The following TMEM212 variants were observed in gnomAD, a reference collection of about 807,000 sequenced individuals.
TMEM212 encodes the protein transmembrane protein 212.
A neutral mutation model predicts 20.5 loss-of-function variants in TMEM212; 23 were observed. That is an observed-to-expected ratio of 1.12 (90% CI 0.81 to 1.59). The LOEUF (loss-of-function observed/expected upper bound fraction) is 1.59, where lower values mean the gene tolerates loss of function less well. TMEM212 is among the 40% of genes most tolerant of loss of function. TMEM212 has a pLI of 0.00. For missense variants in TMEM212, 211 were observed against 215.0 expected (o/e 0.98, Z 0.12); for synonymous variants, 76 against 81.6 (o/e 0.93, Z 0.37).
At chr3:171,848,560 CATAGAATAGA>C (rs1288301924) in intron 1 of TMEM212, among the ~76,000 whole-genome samples, 3 of 44,344 alleles carry the variant, frequency 6.8e-5, no homozygotes, top group East Asian at 1.0e-3. Flanking sequence ...ACAATAAATG[CATAGAATAGA>C]ATAGAATAGG....
chr3:171,844,298 A>G (rs953206990), intron 1 of TMEM212, among the ~76,000 whole-genome samples: 5 of 152,226 alleles, frequency 3.3e-5, no homozygotes, highest in Non-Finnish European at 1.5e-5. Context: ...GAGAAGTTAC[A>G]GAGACCCACC....
rs1725159531 is a variant in TMEM212, at chr3:171,858,142, G to A, written c.*85G>A. 1 of 152,082 alleles carries A rather than the reference G, an allele frequency of 6.6e-6. No individual in the cohort carries two copies. The highest frequency in any genetic ancestry group is 1.5e-5 in the Non-Finnish European group (1 of 68,050). The allele number at this position is 152,082 out of a possible 1,614,324, so 9.4% of individuals were successfully genotyped here. On this transcript the variant is annotated 3_prime_UTR_variant, in exon 5 of 5. Coordinates refer to ENST00000334567, the MANE Select transcript of TMEM212 (RefSeq NM_001164436.2). ...AATCCTAAGCAAAAAGAACAAAGCT[G>A]GAGGCATCACACTACCTGACTTCAA...
chr3:171,853,869 G>A lies in TMEM212; in HGVS notation c.543+19G>A, dbSNP rs1478283492. 1.3e-6 allele frequency: 2 copies of A among 1,522,470 alleles called. No homozygotes were observed. The highest frequency in any genetic ancestry group is 8.8e-7 in the Non-Finnish European group (1 of 1,136,358). The allele number at this position is 1,522,470 out of a possible 1,614,324, so 94.3% of individuals were successfully genotyped here. ...CATAAACGTAAGTTTCAACAAAGGG[G>A]AGGCAGGTTCTTGTTCCATCTTGTA... is the stretch of plus-strand genomic sequence containing the variant. On this transcript the variant is annotated intron_variant, in intron 3 of 4. Coordinates refer to ENST00000334567, the MANE Select transcript of TMEM212 (RefSeq NM_001164436.2).
chr3:171,853,334 AAAG>A (rs1364927452), intron 2 of TMEM212, among the ~76,000 whole-genome samples, 190 bp from the exon 3 acceptor site: 63 of 152,268 alleles, frequency 4.1e-4, no homozygotes, highest in African/African-American at 1.3e-3. Context: ...AAAAAAAAAA[AAAG>A]AAAATGAATA....
At position 171,849,844 on chromosome 3, in the gene TMEM212, A is replaced by G. The variant is rs150439669; in HGVS notation, c.160-2138A>G. Among the ~76,000 whole-genome samples the G allele has an allele frequency of 2.7e-3, 410 of 152,264 alleles. 2 individuals are homozygous for G. Among genetic ancestry groups the G allele is most frequent in the African/African-American group, 9.5e-3 (396 of 41,564 alleles). On this transcript the variant is annotated intron_variant, in intron 1 of 4. Coordinates refer to ENST00000334567, the MANE Select transcript of TMEM212 (RefSeq NM_001164436.2). ...GTAATTGTTGCAAAACCCAGCTGAT[A>G]TCCCTGGAAGCGCCCAGAAAGCAAG...
At chr3:171,847,773 A>G (rs1022576488) in intron 1 of TMEM212, among the ~76,000 whole-genome samples, 3 of 152,028 alleles carry the variant, frequency 2.0e-5, no homozygotes, top group Admixed American at 1.3e-4. Flanking sequence ...GGGTGATCAG[A>G]CATCACGGTG....
chr3:171,858,346 T>C lies in TMEM212; in HGVS notation c.*289T>C, dbSNP rs1403326908. 1 of 152,138 alleles carries C rather than the reference T, an allele frequency of 6.6e-6. No homozygotes were observed. Among genetic ancestry groups the C allele is most frequent in the Non-Finnish European group, 1.5e-5 (1 of 68,050 alleles). 9.4% of individuals were successfully genotyped at this position (152,138 alleles called of 1,614,324 possible). ...AAAGGATTCCCTTTTTAATAAATGG[T>C]GCTGGGAAAACTGGTTAGCCATATG... On this transcript the variant is annotated 3_prime_UTR_variant, in exon 5 of 5. Coordinates refer to ENST00000334567, the MANE Select transcript of TMEM212 (RefSeq NM_001164436.2).
At chr3:171,846,155 G>A (rs747745728) in intron 1 of TMEM212, among the ~76,000 whole-genome samples, 1 of 152,166 alleles carries the variant, frequency 6.6e-6, no homozygotes, top group Non-Finnish European at 1.5e-5. Flanking sequence ...ATGCCATGAT[G>A]TGTTTCTGCC....
intron 3 of TMEM212, among the ~76,000 whole-genome samples, chr3:171,855,053 T>C (rs1484519025): frequency 6.7e-6 from 1 of 149,966 alleles, no homozygotes; most frequent in African/African-American, 2.5e-5. Flanking sequence ...GTCTTTAATA[T>C]TAAAAAATAC....
chr3:171,851,851 G>C, intron 1 of TMEM212, 131 bp from the exon 2 acceptor site: 1 of 785,444 alleles, frequency 1.3e-6, no homozygotes, highest in Non-Finnish European at 2.1e-6. Flanking sequence ...GGAAATCAGA[G>C]CCATAAATCC....
At chr3:171,846,549 G>A (rs1724837327) in intron 1 of TMEM212, among the ~76,000 whole-genome samples, 1 of 152,112 alleles carries the variant, frequency 6.6e-6, no homozygotes, top group African/African-American at 2.4e-5. Flanking sequence ...AATAAATATT[G>A]TTCAATAAGT....
chr3:171,843,587 T>A, intron 1 of TMEM212, 45 bp downstream of exon 1: 3 of 1,456,540 alleles, frequency 2.1e-6, no homozygotes, highest in Non-Finnish European at 1.8e-6. Flanking sequence ...TAAAAGAAGG[T>A]GGGAGGGAAA....
intron 1 of TMEM212, among the ~76,000 whole-genome samples, chr3:171,845,224 G>A (rs1724804944): frequency 6.6e-6 from 1 of 152,020 alleles, no homozygotes; most frequent in Non-Finnish European, 1.5e-5. Context: ...AAATATTTTA[G>A]GTGAGGACCC....
At chr3:171,848,560 C>CATAGAATAGAATAGG (rs1553852833) in intron 1 of TMEM212, among the ~76,000 whole-genome samples, 1,160 of 44,310 alleles carry the variant, frequency 0.026, 18 homozygotes, top group African/African-American at 0.12. Flanking sequence ...ACAATAAATG[C>CATAGAATAGAATAGG]ATAGAATAGA....
chr3:171,856,912 G>T (rs889471783), intron 4 of TMEM212: 3 of 385,490 alleles, frequency 7.8e-6, no homozygotes. Flanking sequence ...ATGTAAATCT[G>T]CTCTTTTAGG....
Position 171,859,237 on chromosome 3 carries a change from C to G in TMEM212, c.*1180C>G, listed in dbSNP as rs770426543. ...ATGGGTGTGGCAAACCAACATGGCA[C>G]ATATATACCTATGCAACAAACCTGC... On this transcript the variant is annotated 3_prime_UTR_variant, in exon 5 of 5. Coordinates refer to ENST00000334567, the MANE Select transcript of TMEM212 (RefSeq NM_001164436.2). The G allele has an allele frequency of 6.6e-6, 1 of 151,918 alleles. No homozygotes were observed. Among genetic ancestry groups the G allele is most frequent in the African/African-American group, 2.4e-5 (1 of 41,332 alleles). The allele number at this position is 151,918 out of a possible 1,614,324, so 9.4% of individuals were successfully genotyped here.
chr3:171,849,807 A>AAAGTG (rs1724928964), intron 1 of TMEM212, among the ~76,000 whole-genome samples: 1 of 152,220 alleles, frequency 6.6e-6, no homozygotes, highest in Admixed American at 6.5e-5. Context: ...TCATGCAATC[A>AAAGTG]AAGTGTTAGC....
chr3:171,846,009 C>T (rs1724823382), intron 1 of TMEM212, among the ~76,000 whole-genome samples: 1 of 152,186 alleles, frequency 6.6e-6, no homozygotes, highest in Admixed American at 6.5e-5. Context: ...TCCTGTGTCA[C>T]CCACCTCACT....
Position 171,858,265 on chromosome 3 carries a change from C to G in TMEM212, c.*208C>G, listed in dbSNP as rs964490763. On this transcript the variant is annotated 3_prime_UTR_variant, in exon 5 of 5. Transcript: ENST00000334567. ...CAGAACAGAGGCCTCAGAAATAACACCACACATATACAACCATCTGATCTT... is the reference window on the plus strand; with the variant it reads ...CAGAACAGAGGCCTCAGAAATAACAGCACACATATACAACCATCTGATCTT... 2 of 152,148 alleles carry G rather than the reference C, an allele frequency of 1.3e-5. No individual in the cohort carries two copies. The highest frequency in any genetic ancestry group is 3.9e-4 in the East Asian group (2 of 5,182). 9.4% of individuals were successfully genotyped at this position (152,148 alleles called of 1,614,324 possible). A position where few individuals can be genotyped will look rare whatever the true frequency, so the allele number is the denominator to read the frequency against.
Sources: gnomAD v4.1 joint callset for allele counts (sites outside exome capture counted in the v4.1 genomes callset) on GRCh38, gnomAD v4.1.1 for gene constraint, MANE v1.5 for transcripts, NCBI Gene and HGNC (gene_info 2026-07-23, HGNC 2026-07-21) for gene names.